The following ZNF385D variants were observed in gnomAD, a reference collection of about 807,000 sequenced individuals.
The protein encoded by ZNF385D is zinc finger protein 659.
ZNF385D carries 15 observed loss-of-function variants against 35.8 expected under a neutral mutation model. The ratio of observed to expected loss-of-function variants is 0.42; its 90% confidence interval spans 0.28 to 0.64. The LOEUF (loss-of-function observed/expected upper bound fraction) is 0.64, where lower values mean the gene tolerates loss of function less well. Among genes scored for constraint, ZNF385D ranks in the 30% least tolerant of loss-of-function variants. ZNF385D has a pLI of 0.23. For synonymous variants in ZNF385D, 212 were observed against 186.8 expected (o/e 1.13, Z -1.10); for missense variants, 474 against 494.6 (o/e 0.96, Z 0.39).
chr3:22,202,091 G>A (rs1696835507), intron 2 of ZNF385D, among the ~76,000 whole-genome samples: 1 of 151,926 alleles, frequency 6.6e-6, no homozygotes, highest in South Asian at 2.1e-4. Context: ...ACCTCAGTCT[G>A]ATTATTTGCC....
rs574616113 is a variant in ZNF385D, at chr3:21,988,822, C to T, written c.325+179995G>A. On this transcript the variant is annotated intron_variant, in intron 3 of 5. Transcript: ENST00000494108. ...ACTGCTGTGCTAGCAATCAGCGAGA[C>T]TCCGTGGGCGTAGGACCCTCCGAGC... Among the ~76,000 whole-genome samples the T allele has an allele frequency of 3.2e-3, 488 of 152,272 alleles. 3 individuals are homozygous for T. Among genetic ancestry groups the T allele is most frequent in the African/African-American group, 0.01 (434 of 41,560 alleles).
intron 1 of ZNF385D, among the ~76,000 whole-genome samples, chr3:21,684,378 CTCTCTCTCTCTCTCTCTCTCTCTCTCCT>C (rs2067019685): frequency 2.3e-5 from 2 of 85,164 alleles, no homozygotes; most frequent in African/African-American, 1.2e-4. Flanking sequence ...CTCTCTCTCT[CTCTCTCTCTCTCTCTCTCTCTCTCTCCT>C]CTCTCTCTCT....
At chr3:22,062,405 T>C (rs1699737709) in intron 3 of ZNF385D, among the ~76,000 whole-genome samples, 1 of 152,114 alleles carries the variant, frequency 6.6e-6, no homozygotes, top group African/African-American at 2.4e-5. Context: ...GAATTAACAT[T>C]CATTTTACTT....
intron 1 of ZNF385D, among the ~76,000 whole-genome samples, chr3:21,701,266 G>A (rs1407698174): frequency 1.3e-5 from 2 of 150,868 alleles, no homozygotes; most frequent in Non-Finnish European, 2.9e-5. Context: ...ATGGCAGGAG[G>A]CAAAAGGCAC....
intron 2 of ZNF385D, among the ~76,000 whole-genome samples, chr3:22,185,537 G>C (rs1695572160): frequency 6.6e-6 from 1 of 152,038 alleles, no homozygotes; most frequent in Non-Finnish European, 1.5e-5. Flanking sequence ...GTGCGATCTT[G>C]GCTCACTGCA....
chr3:22,030,281 A>G (rs182901151), intron 3 of ZNF385D, among the ~76,000 whole-genome samples: 1 of 103,988 alleles, frequency 9.6e-6, no homozygotes, highest in African/African-American at 4.4e-5. Flanking sequence ...ATATATATAT[A>G]TATATATATA....
chr3:21,547,574 T>C (rs2062419926), intron 3 of ZNF385D, among the ~76,000 whole-genome samples: 1 of 151,906 alleles, frequency 6.6e-6, no homozygotes, highest in Non-Finnish European at 1.5e-5. Flanking sequence ...AGATCAGTCT[T>C]CGTTCTTATT....
intron 4 of ZNF385D, among the ~76,000 whole-genome samples, chr3:21,456,469 A>T (rs1702818394): frequency 6.6e-6 from 1 of 152,176 alleles, no homozygotes; most frequent in African/African-American, 2.4e-5. Context: ...CATCACTCTC[A>T]GCAAACTGTC....
chr3:22,059,191 T>C (rs114128398), intron 3 of ZNF385D, among the ~76,000 whole-genome samples: 2,575 of 152,192 alleles, frequency 0.017, 64 homozygotes, highest in African/African-American at 0.059. Context: ...TGCCCTCTGG[T>C]CAGGACTGAG....
intron 3 of ZNF385D, among the ~76,000 whole-genome samples, chr3:21,527,411 A>G (rs1270853825): frequency 1.3e-5 from 2 of 152,158 alleles, no homozygotes; most frequent in Non-Finnish European, 2.9e-5. Flanking sequence ...CCCGAACTTT[A>G]TTTATATACC....
chr3:21,661,189 T>C (rs2066228725), intron 2 of ZNF385D, among the ~76,000 whole-genome samples: 1 of 152,198 alleles, frequency 6.6e-6, no homozygotes, highest in Admixed American at 6.6e-5. Context: ...CCTAAATCCT[T>C]AAATTATTTC....
chr3:21,620,998 GCACACACA>G (rs112953905), intron 2 of ZNF385D, among the ~76,000 whole-genome samples: 2 of 150,584 alleles, frequency 1.3e-5, no homozygotes, highest in Non-Finnish European at 3.0e-5. Flanking sequence ...GTGTGTGTGC[GCACACACA>G]CACACACACA....
intron 5 of ZNF385D, among the ~76,000 whole-genome samples, chr3:21,429,930 T>C (rs1442507680): frequency 6.6e-6 from 1 of 152,116 alleles, no homozygotes; most frequent in Non-Finnish European, 1.5e-5. Context: ...AGCTGTTTTT[T>C]TTTGCTAAGG....
intron 4 of ZNF385D, among the ~76,000 whole-genome samples, chr3:21,468,534 A>C (rs905991514): frequency 3.3e-5 from 5 of 152,148 alleles, no homozygotes; most frequent in African/African-American, 1.2e-4. Context: ...ATAAAAGGGA[A>C]TACTACTCAG....
intron 2 of ZNF385D, among the ~76,000 whole-genome samples, chr3:22,217,042 G>A (rs1282335757): frequency 2.6e-5 from 4 of 152,096 alleles, no homozygotes; most frequent in African/African-American, 7.2e-5. Context: ...CTATGTATCT[G>A]TTGGAGCAGC....
At chr3:21,463,175 C>T (rs1231919713) in intron 4 of ZNF385D, among the ~76,000 whole-genome samples, 2 of 149,042 alleles carry the variant, frequency 1.3e-5, no homozygotes, top group African/African-American at 5.0e-5. Context: ...TGTAAACATA[C>T]AAAATTCCCA....
intron 3 of ZNF385D, among the ~76,000 whole-genome samples, chr3:22,044,440 C>CAAACAA (rs1197666242): frequency 6.6e-6 from 1 of 151,746 alleles, no homozygotes; most frequent in African/African-American, 2.4e-5. Flanking sequence ...TAGAGCAAGG[C>CAAACAA]AAACAAAAAC....
intron 3 of ZNF385D, among the ~76,000 whole-genome samples, chr3:21,979,234 A>G (rs748051115): frequency 1.3e-5 from 2 of 152,208 alleles, no homozygotes; most frequent in African/African-American, 2.4e-5. Context: ...ATTGCCCTGT[A>G]TAACTGCACC....
intron 3 of ZNF385D, among the ~76,000 whole-genome samples, chr3:21,775,255 T>A (rs2071240109): frequency 6.6e-6 from 1 of 151,868 alleles, no homozygotes; most frequent in Non-Finnish European, 1.5e-5. Context: ...AACTCTTTAA[T>A]GCAGGGTTGC....
Sources: gnomAD v4.1 joint callset for allele counts (sites outside exome capture counted in the v4.1 genomes callset) on GRCh38, gnomAD v4.1.1 for gene constraint, MANE v1.5 for transcripts, NCBI Gene and HGNC (gene_info 2026-07-23, HGNC 2026-07-21) for gene names.